CAMKMT: variants seen among roughly 807,000 people sequenced by gnomAD.
The protein encoded by CAMKMT is CaM KMT.
CAMKMT carries 53 observed loss-of-function variants against 48.0 expected under a neutral mutation model. The observed-to-expected ratio is 1.10, with a 90% CI of 0.89 to 1.39. The LOEUF (loss-of-function observed/expected upper bound fraction) is 1.39. Among genes scored for constraint, CAMKMT ranks in the 40% most tolerant of loss-of-function variants. The pLI, the probability that CAMKMT is intolerant of heterozygous loss-of-function variation, is 0.00. For missense variants in CAMKMT, 428 were observed against 402.7 expected (o/e 1.06, Z -0.54); for synonymous variants, 165 against 152.3 (o/e 1.08, Z -0.61).
At chr2:44,429,139 C>T (rs892545991) in intron 3 of CAMKMT, among the ~76,000 whole-genome samples, 2 of 152,130 alleles carry the variant, frequency 1.3e-5, no homozygotes, top group Non-Finnish European at 1.5e-5. Flanking sequence ...ATCTGACCAG[C>T]CTAGACATAC....
chr2:44,477,068 T>G (rs1376799804), intron 3 of CAMKMT, among the ~76,000 whole-genome samples: 1 of 152,216 alleles, frequency 6.6e-6, no homozygotes, highest in Admixed American at 6.5e-5. Context: ...TTAAAAATTA[T>G]TTAAACAAAA....
At chr2:44,702,458 CAT>C (rs1677309109) in intron 3 of CAMKMT, among the ~76,000 whole-genome samples, 1 of 152,250 alleles carries the variant, frequency 6.6e-6, no homozygotes, top group Non-Finnish European at 1.5e-5. Flanking sequence ...CCATTCTAAA[CAT>C]AGGCATGTAT....
intron 3 of CAMKMT, among the ~76,000 whole-genome samples, chr2:44,623,796 G>C (rs1321203992): frequency 6.6e-6 from 1 of 151,920 alleles, no homozygotes; most frequent in East Asian, 1.9e-4. Context: ...TCCCTTTTCA[G>C]GCAATCCCCT....
At chr2:44,707,266 G>GA in intron 5 of CAMKMT, 133 bp from the exon 6 acceptor site, 1 of 723,946 alleles carries the variant, frequency 1.4e-6, no homozygotes, top group Non-Finnish European at 2.4e-6. Context: ...GACATAAAAT[G>GA]AAAAAAGATT....
chr2:44,691,499 C>T (rs1480597791), intron 3 of CAMKMT, among the ~76,000 whole-genome samples: 1 of 152,212 alleles, frequency 6.6e-6, no homozygotes, highest in Non-Finnish European at 1.5e-5. Context: ...TCAAATCACA[C>T]CCATAATAAA....
At chr2:44,492,413 T>C (rs1189202725) in intron 3 of CAMKMT, among the ~76,000 whole-genome samples, 1 of 152,170 alleles carries the variant, frequency 6.6e-6, no homozygotes, top group East Asian at 1.9e-4. Context: ...AACTGTAAAG[T>C]TTCTGAAGTA....
chr2:44,428,902 T>C (rs1198174973), intron 3 of CAMKMT, among the ~76,000 whole-genome samples: 1 of 152,214 alleles, frequency 6.6e-6, no homozygotes, highest in Admixed American at 6.5e-5. Context: ...GGCAATGTGC[T>C]CTGCTTGTTG....
At chr2:44,418,861 C>G (rs1234185650) in intron 3 of CAMKMT, among the ~76,000 whole-genome samples, 1 of 152,148 alleles carries the variant, frequency 6.6e-6, no homozygotes, top group Admixed American at 6.5e-5. Flanking sequence ...ATTTGGTCAT[C>G]CAATCTATAA....
chr2:44,435,925 G>T (rs1067357), intron 3 of CAMKMT, among the ~76,000 whole-genome samples: 118,993 of 151,968 alleles, frequency 0.78, 47,066 homozygotes, highest in African/African-American at 0.9. Flanking sequence ...CCCATAGTAC[G>T]TCATTCATTT....
At chr2:44,444,059 C>T (rs930154230) in intron 3 of CAMKMT, among the ~76,000 whole-genome samples, 3 of 152,118 alleles carry the variant, frequency 2.0e-5, no homozygotes, top group East Asian at 1.9e-4. Flanking sequence ...ATAAGTGTTA[C>T]GGCCTGAAGG....
intron 3 of CAMKMT, among the ~76,000 whole-genome samples, chr2:44,526,558 G>A (rs538654722): frequency 6.6e-6 from 1 of 152,182 alleles, no homozygotes; most frequent in East Asian, 1.9e-4. Flanking sequence ...CCTGGTCTGA[G>A]TCCGAAGGTC....
intron 3 of CAMKMT, among the ~76,000 whole-genome samples, chr2:44,426,097 A>C (rs1684263479): frequency 6.6e-6 from 1 of 152,250 alleles, no homozygotes; most frequent in Non-Finnish European, 1.5e-5. Context: ...TACCATGAGA[A>C]TCATTTTACC....
At position 44,669,108 on chromosome 2, in the gene CAMKMT, T is replaced by C. The variant is rs1675178681; in HGVS notation, c.377-35175T>C. 2.0e-5 allele frequency among the ~76,000 whole-genome samples: 3 copies of C among 152,198 alleles called. No individual in the cohort carries two copies. In the South Asian group the frequency reaches 6.2e-4, roughly 32 times the overall value. ...CCCACTTGTTTTTTGTTTGTTTTTG[T>C]TTTTAATAATTTTACAATATACATA... On this transcript the variant is annotated intron_variant, in intron 3 of 10. Transcript: ENST00000378494.
chr2:44,647,104 C>G lies in CAMKMT; in HGVS notation c.377-57179C>G, dbSNP rs142710919. ...ACGAGGTCAGGAGATCAAGACCATC[C>G]TGGCTAACATGGTGAAACTATGTTA... On this transcript the variant is annotated intron_variant, in intron 3 of 10. Coordinates refer to ENST00000378494, the MANE Select transcript of CAMKMT (RefSeq NM_024766.5). Among the ~76,000 whole-genome samples the G allele has an allele frequency of 1.7e-3, 260 of 152,208 alleles. 5 individuals carry two copies. The East Asian group carries it at 0.038, about 22-fold the overall frequency.
chr2:44,652,454 T>C (rs1224766275), intron 3 of CAMKMT, among the ~76,000 whole-genome samples: 1 of 152,000 alleles, frequency 6.6e-6, no homozygotes, highest in Non-Finnish European at 1.5e-5. Context: ...TCTTTGGGGG[T>C]GTGAGAAGTA....
At chr2:44,742,068 A>T (rs1679707595) in intron 7 of CAMKMT, among the ~76,000 whole-genome samples, 1 of 152,016 alleles carries the variant, frequency 6.6e-6, no homozygotes, top group Non-Finnish European at 1.5e-5. Flanking sequence ...CATCTTGCTC[A>T]TGGTTCAAGT....
At chr2:44,391,649 C>G (rs1450349701) in intron 3 of CAMKMT, among the ~76,000 whole-genome samples, 1 of 152,050 alleles carries the variant, frequency 6.6e-6, no homozygotes, top group East Asian at 1.9e-4. Context: ...ATGTAAAAGT[C>G]AAGTATTGTT....
chr2:44,620,745 C>G (rs759391839), intron 3 of CAMKMT, among the ~76,000 whole-genome samples: 7 of 152,186 alleles, frequency 4.6e-5, no homozygotes, highest in Non-Finnish European at 7.4e-5. Context: ...TGTTTCAAAA[C>G]AAACAGATTC....
chr2:44,412,161 A>G (rs72877227), intron 3 of CAMKMT, among the ~76,000 whole-genome samples: 4,761 of 151,744 alleles, frequency 0.031, 247 homozygotes, highest in African/African-American at 0.11. Flanking sequence ...CAATGTATTG[A>G]CTCCAATAGC....
Sources: allele counts gnomAD v4.1 joint callset (sites outside exome capture counted in the v4.1 genomes callset), GRCh38; gene constraint gnomAD v4.1.1; transcripts MANE v1.5; gene names NCBI Gene and HGNC (gene_info 2026-07-23, HGNC 2026-07-21).